The following CCDC30 variants were observed in gnomAD, a reference collection of about 807,000 sequenced individuals.
CCDC30 encodes the protein coiled-coil domain containing 30, also known as coiled-coil domain-containing protein 30.
Under a neutral mutation model 100.2 loss-of-function variants are expected in CCDC30, and 70 were observed. The ratio of observed to expected loss-of-function variants is 0.70; its 90% CI spans 0.58 to 0.85. CCDC30 has a LOEUF of 0.85. Among genes scored for constraint, CCDC30 ranks in the 40% least tolerant of loss-of-function variants. The pLI is 0.00. For missense variants in CCDC30, 652 were observed against 771.2 expected (o/e 0.85, Z 1.83); for synonymous variants, 233 against 269.5 (o/e 0.86, Z 1.33).
chr1:42,543,608 C>A (rs1273617224), intron 6 of CCDC30, among the ~76,000 whole-genome samples: 1 of 152,140 alleles, frequency 6.6e-6, no homozygotes, highest in Non-Finnish European at 1.5e-5. Flanking sequence ...ATGAAATCAT[C>A]CTCCTTACTT....
intron 6 of CCDC30, among the ~76,000 whole-genome samples, chr1:42,517,933 C>G (rs1008058267): frequency 1.3e-5 from 2 of 152,016 alleles, no homozygotes; most frequent in African/African-American, 4.8e-5. Context: ...TTTTCTTTTT[C>G]AAGATTGTTG....
chr1:42,582,197 T>C (rs1377465752), intron 9 of CCDC30, among the ~76,000 whole-genome samples: 1 of 152,038 alleles, frequency 6.6e-6, no homozygotes, highest in Non-Finnish European at 1.5e-5. Flanking sequence ...AACACTGCAC[T>C]CTGGACTGGG....
At chr1:42,525,506 T>C (rs957699590) in intron 6 of CCDC30, among the ~76,000 whole-genome samples, 5 of 152,206 alleles carry the variant, frequency 3.3e-5, no homozygotes, top group Admixed American at 6.5e-5. Flanking sequence ...TATCTTTTAT[T>C]CATTAGGTCT....
chr1:42,504,804 A>G (rs986430012), intron 6 of CCDC30, among the ~76,000 whole-genome samples: 3 of 152,194 alleles, frequency 2.0e-5, no homozygotes, highest in Admixed American at 6.5e-5. Flanking sequence ...TTAAACAAGC[A>G]GTTATTCTCT....
At chr1:42,538,228 G>A (rs1024366770) in intron 6 of CCDC30, among the ~76,000 whole-genome samples, 23 of 150,658 alleles carry the variant, frequency 1.5e-4, no homozygotes, top group African/African-American at 5.7e-4. Context: ...TACACAGGAG[G>A]CTAAGGTGGG....
intron 6 of CCDC30, 104 bp downstream of exon 9, chr1:42,545,683 A>C (rs749563421): frequency 5.9e-5 from 59 of 1,003,852 alleles, no homozygotes; most frequent in Admixed American, 2.2e-4. Flanking sequence ...GCAGTGGCTT[A>C]AGTCTGTAAT....
At chr1:42,505,088 A>G (rs1367061361) in intron 6 of CCDC30, among the ~76,000 whole-genome samples, 1 of 152,250 alleles carries the variant, frequency 6.6e-6, no homozygotes, top group Non-Finnish European at 1.5e-5. Flanking sequence ...CACAAATAGT[A>G]GAGTGTGTGT....
At chr1:42,511,230 C>T (rs1644473033) in intron 6 of CCDC30, among the ~76,000 whole-genome samples, 1 of 152,100 alleles carries the variant, frequency 6.6e-6, no homozygotes, top group Non-Finnish European at 1.5e-5. Context: ...AACTAAGCAA[C>T]TGGGATTAGT....
At chr1:42,473,466 G>A in intron 1 of CCDC30, 1 of 401,598 alleles carries the variant, frequency 2.5e-6, no homozygotes, top group Non-Finnish European at 4.3e-6. Context: ...GCAACAGTCT[G>A]TGTTGGTTTC....
intron 6 of CCDC30, among the ~76,000 whole-genome samples, chr1:42,508,540 T>G (rs1644429752): frequency 6.6e-6 from 1 of 152,234 alleles, no homozygotes; most frequent in African/African-American, 2.4e-5. Flanking sequence ...CAAAGTAATT[T>G]GATAGCCCCA....
chr1:42,533,789 T>C lies in CCDC30; in HGVS notation c.457-32507T>C, dbSNP rs1200988412. 2.0e-5 allele frequency: 3 copies of C among 152,272 alleles called. No individual in the cohort carries two copies. The South Asian group carries it at 6.2e-4, about 31-fold the overall frequency. The allele number at this position is 152,272 out of a possible 1,614,324, so 9.4% of individuals were successfully genotyped here. On this transcript the variant is annotated intron_variant, in intron 6 of 16. Coordinates refer to ENST00000668663, the Ensembl canonical transcript of CCDC30. ...GGGACGACAATAAAACTTGTCATAC[T>C]ATGCAGGGAGGCACAGTTTAGTTCA... is the stretch of plus-strand genomic sequence containing the variant.
chr1:42,602,973 T>C (rs1024035759), intron 10 of CCDC30, among the ~76,000 whole-genome samples: 4 of 152,222 alleles, frequency 2.6e-5, no homozygotes, highest in African/African-American at 4.8e-5. Context: ...GGTTCAACAT[T>C]TGAAAATAAA....
intron 3 of CCDC30, among the ~76,000 whole-genome samples, chr1:42,483,420 AG>A (rs1369173466): frequency 2.0e-5 from 3 of 152,220 alleles, no homozygotes; most frequent in Admixed American, 2.0e-4. Context: ...ACTGAATCAA[AG>A]GGCAGGTTCT....
chr1:42,518,824 T>G (rs1025233580), intron 6 of CCDC30, among the ~76,000 whole-genome samples: 15 of 152,236 alleles, frequency 9.9e-5, no homozygotes, highest in Middle Eastern at 3.2e-3. Flanking sequence ...TCCAGTACTT[T>G]GTTGGATAGA....
At chr1:42,556,953 A>T (rs1198717623) in intron 6 of CCDC30, among the ~76,000 whole-genome samples, 1 of 152,190 alleles carries the variant, frequency 6.6e-6, no homozygotes, top group Non-Finnish European at 1.5e-5. Flanking sequence ...TATTATTTTA[A>T]TTATGGCTTT....
intron 11 of CCDC30, among the ~76,000 whole-genome samples, chr1:42,637,001 T>G (rs1333291091): frequency 1.8e-5 from 2 of 111,772 alleles, no homozygotes; most frequent in East Asian, 6.0e-4. Flanking sequence ...AAGACCAAGA[T>G]AAGCCAAATA....
chr1:42,600,285 C>G lies in CCDC30; in HGVS notation c.1165-10693C>G, dbSNP rs148355212. Among the ~76,000 whole-genome samples the G allele has an allele frequency of 6.7e-4, 102 of 152,214 alleles. 2 individuals carry two copies. The highest frequency in any genetic ancestry group is 3.4e-3 in the Middle Eastern group (1 of 294). ...ATGTATGTGCCTAAAAAAAGAATGTCAAAATATGTGAGGCAAAAATTGATA... is the reference window on the plus strand; with the variant it reads ...ATGTATGTGCCTAAAAAAAGAATGTGAAAATATGTGAGGCAAAAATTGATA... On this transcript the variant is annotated intron_variant, in intron 10 of 16. Coordinates refer to ENST00000668663, the Ensembl canonical transcript of CCDC30.
At chr1:42,566,544 C>T in intron 7 of CCDC30, 69 bp downstream of exon 11, 1 of 1,283,744 alleles carries the variant, frequency 7.8e-7, no homozygotes, top group Non-Finnish European at 1.1e-6. Flanking sequence ...AATCTAAGTT[C>T]CTCTACTTGA....
chr1:42,566,173 C>T (rs1645601783), intron 6 of CCDC30, 123 bp from the exon 11 acceptor site: 1 of 712,648 alleles, frequency 1.4e-6, no homozygotes. Context: ...GATAAGCTAA[C>T]TCCAAAAACA....
Sources: gnomAD v4.1 joint callset for allele counts (sites outside exome capture counted in the v4.1 genomes callset) on GRCh38, gnomAD v4.1.1 for gene constraint, MANE v1.5 for transcripts, NCBI Gene and HGNC (gene_info 2026-07-23, HGNC 2026-07-21) for gene names.